The following PSME3IP1 variants were observed in gnomAD, a reference collection of about 807,000 sequenced individuals.
The protein encoded by PSME3IP1 is PSME3-interacting protein.
PSME3IP1 carries 13 observed loss-of-function variants against 34.1 expected under a neutral mutation model. The observed-to-expected ratio is 0.38, with a 90% confidence interval of 0.25 to 0.61. PSME3IP1 has a LOEUF of 0.61. Ranked by LOEUF, PSME3IP1 falls within the 20% of genes least tolerant of loss-of-function variation. The probability of loss-of-function intolerance (pLI) is 0.60; values close to 1 mark genes in which losing one functional copy is unlikely to be tolerated. For synonymous variants in PSME3IP1, 93 were observed against 114.3 expected, an observed-to-expected ratio of 0.81 and a Z score of 1.19; for missense variants, 237 against 301.4, an observed-to-expected ratio of 0.79 and a Z score of 1.58.
At chr16:57,163,833 G>T (rs62037356) in intron 6 of PSME3IP1, among the ~76,000 whole-genome samples, 168 bp downstream of exon 6, 145,504 of 152,338 alleles carry the variant, frequency 0.96, 69,521 homozygotes, top group Middle Eastern at 0.99. Flanking sequence ...TATAAACTCT[G>T]GCCTGGTAAT....
chr16:57,178,597 T>C (rs1597758907), intron 1 of PSME3IP1: 1 of 985,324 alleles, frequency 1.0e-6, no homozygotes, highest in African/African-American at 1.7e-5. Context: ...GTTATAGAGA[T>C]TGGTAGCCAT....
rs2072769053 is a variant in PSME3IP1, at chr16:57,172,944, A to AT, written c.128-71dup. On this transcript the variant is annotated intron_variant, in intron 2 of 6. Coordinates refer to ENST00000309137, the MANE Select transcript of PSME3IP1 (RefSeq NM_024946.4). ...ATACACTTCAGATTGTTTTCATATT[A>AT]TTTTGGAATCACAAAAGGTTTTAAA... 10 of 1,035,074 alleles carry AT rather than the reference A, an allele frequency of 9.7e-6. No homozygotes were observed. In the South Asian group the frequency reaches 1.3e-4, roughly 13 times the overall value. 64.1% of individuals were successfully genotyped at this position (1,035,074 alleles called of 1,614,324 possible).
chr16:57,175,030 T>C (rs1381458951), intron 1 of PSME3IP1: 1 of 152,002 alleles, frequency 6.6e-6, no homozygotes, highest in East Asian at 1.9e-4. Context: ...TTTTTTTTTT[T>C]TTGAGATGAA....
At chr16:57,156,692 G>A (rs1351115624) in intron 6 of PSME3IP1, among the ~76,000 whole-genome samples, 1 of 152,144 alleles carries the variant, frequency 6.6e-6, no homozygotes, top group Non-Finnish European at 1.5e-5. Flanking sequence ...GATACTAAGA[G>A]TTCTTCCAAA....
At chr16:57,165,836 A>G (rs2071807702) in intron 5 of PSME3IP1, among the ~76,000 whole-genome samples, 1 of 152,174 alleles carries the variant, frequency 6.6e-6, no homozygotes, top group Non-Finnish European at 1.5e-5. Context: ...CCTTTTCTAA[A>G]GGTGATCTAA....
chr16:57,165,856 G>C (rs1213647685), intron 5 of PSME3IP1, among the ~76,000 whole-genome samples: 4 of 151,958 alleles, frequency 2.6e-5, no homozygotes, highest in Non-Finnish European at 5.9e-5. Flanking sequence ...AGAACTAAGG[G>C]AAACAGTTAC....
chr16:57,157,803 G>A (rs541903068), intron 6 of PSME3IP1, among the ~76,000 whole-genome samples: 1 of 152,198 alleles, frequency 6.6e-6, no homozygotes, highest in South Asian at 2.1e-4. Flanking sequence ...AAATGCAGCT[G>A]TGCTTGGGTA....
At position 57,173,624 on chromosome 16, in the gene PSME3IP1, G is replaced by A. The variant is rs147281221; in HGVS notation, c.127+104C>T. Reference sequence around the variant, plus strand: ...AGCCTGGGCAACAGAGTGAGACTCCGTCTCAAAAAAATAAATAAATAAAAC... The same window carrying A: ...AGCCTGGGCAACAGAGTGAGACTCCATCTCAAAAAAATAAATAAATAAAAC... On this transcript the variant is annotated intron_variant, in intron 2 of 6. Transcript: ENST00000309137. The A allele has an allele frequency of 2.1e-4, 299 of 1,400,330 alleles. 1 individual carries two copies. The African/African-American group carries it at 3.4e-3, about 16-fold the overall frequency. The allele number at this position is 1,400,330 out of a possible 1,614,324, so 86.7% of individuals were successfully genotyped here. A position where few individuals can be genotyped will look rare whatever the true frequency, so the allele number is the denominator to read the frequency against.
intron 6 of PSME3IP1, among the ~76,000 whole-genome samples, chr16:57,157,095 C>A (rs1197776183): frequency 2.1e-4 from 32 of 152,004 alleles, no homozygotes; most frequent in African/African-American, 7.7e-4. Flanking sequence ...ATCATTTGAG[C>A]CCAGGAGTTT....
At chr16:57,179,254 A>T (rs1012528079) in intron 1 of PSME3IP1, among the ~76,000 whole-genome samples, 14 of 152,254 alleles carry the variant, frequency 9.2e-5, no homozygotes, top group Admixed American at 1.3e-4. Flanking sequence ...TTCTTCAAAT[A>T]GGGAATTCAT....
chr16:57,167,490 CACTATT>C (rs1296303399), intron 4 of PSME3IP1, among the ~76,000 whole-genome samples: 1 of 152,106 alleles, frequency 6.6e-6, no homozygotes, highest in Non-Finnish European at 1.5e-5. Context: ...CCACAAAACC[CACTATT>C]ACCAAGGACA....
chr16:57,178,855 G>A (rs8054311), intron 1 of PSME3IP1: 54 of 971,770 alleles, frequency 5.6e-5, no homozygotes, highest in Non-Finnish European at 6.4e-5. Flanking sequence ...TGTTTATTCT[G>A]CAAGAAAGAG....
chr16:57,163,886 G>A lies in PSME3IP1; in HGVS notation c.547+115C>T. On this transcript the variant is annotated intron_variant, in intron 6 of 6. Transcript: ENST00000309137. ...AAAAAAGTTGGGTAAATTAAGCATA[G>A]GTAGGCTTGCTTGAAGACAGAAATG... The A allele has an allele frequency of 7.3e-6, 8 of 1,089,886 alleles. No homozygotes were observed. The South Asian group carries it at 9.5e-5, about 13-fold the overall frequency. The allele number at this position is 1,089,886 out of a possible 1,614,324, so 67.5% of individuals were successfully genotyped here. A position where few individuals can be genotyped will look rare whatever the true frequency, so the allele number is the denominator to read the frequency against.
rs759216991 is a variant in PSME3IP1, at chr16:57,154,470, C to G, written c.585G>C (p.Leu195=). 20 of 1,612,772 alleles carry G rather than the reference C, an allele frequency of 1.2e-5. 1 individual carries two copies. The highest frequency in any genetic ancestry group is 1.6e-4 in the Middle Eastern group (1 of 6,074). Residue 195 remains leucine (L), a synonymous_variant, in exon 7 of 7, where the codon CTG becomes CTC. Transcript: ENST00000309137. This position sits in a 1 kb window ranked among gnomAD's most constrained non-coding sequence, Gnocchi z 4.0. ...SSCKSLGNTS[L]SGPSIHCPSA... is the part of the protein sequence containing the mutation. ...AGGGGCAGTGGATGGAGGGGCCACT[C>G]AGGGAGGTGTTTCCGAGAGACTTGC...
At chr16:57,184,639 T>C (rs2146054451) in intron 1 of PSME3IP1, among the ~76,000 whole-genome samples, 1 of 152,388 alleles carries the variant, frequency 6.6e-6, no homozygotes. Flanking sequence ...ATCGCACTTG[T>C]TACTTGATTT....
chr16:57,170,012 C>T (rs1271819622), intron 4 of PSME3IP1, among the ~76,000 whole-genome samples: 1 of 151,734 alleles, frequency 6.6e-6, no homozygotes, highest in Non-Finnish European at 1.5e-5. Flanking sequence ...AGGTCTTTTC[C>T]TACCAGTTCT....
intron 1 of PSME3IP1, among the ~76,000 whole-genome samples, chr16:57,180,464 C>T (rs1295604599): frequency 6.6e-6 from 1 of 152,006 alleles, no homozygotes; most frequent in Non-Finnish European, 1.5e-5. Context: ...GTGACATGTG[C>T]CTGTAATGCC....
chr16:57,165,383 G>A (rs2071745879), intron 5 of PSME3IP1, among the ~76,000 whole-genome samples: 1 of 152,140 alleles, frequency 6.6e-6, no homozygotes, highest in Non-Finnish European at 1.5e-5. Flanking sequence ...TATAGCTTCA[G>A]ATGCTCATAA....
intron 1 of PSME3IP1, among the ~76,000 whole-genome samples, chr16:57,182,611 GA>G (rs2073833183): frequency 1.9e-5 from 2 of 105,040 alleles, no homozygotes; most frequent in South Asian, 3.0e-4. Context: ...GGCCAACTAA[GA>G]TTTTTTTTTT....
Sources: gnomAD v4.1 joint callset for allele counts (sites outside exome capture counted in the v4.1 genomes callset) on GRCh38, gnomAD v4.1.1 for gene constraint, Gnocchi (gnomAD v3.1) non-coding constraint, MANE v1.5 for transcripts, NCBI Gene and HGNC (gene_info 2026-07-23, HGNC 2026-07-21) for gene names.